The following EYS variants were observed in gnomAD, a reference collection of about 807,000 sequenced individuals.
The protein encoded by EYS is protein eyes shut homolog.
In EYS, 250 loss-of-function variants were observed where a neutral mutation model predicts 282.1. The ratio of observed to expected loss-of-function variants is 0.89; its 90% CI spans 0.80 to 0.98. The LOEUF (loss-of-function observed/expected upper bound fraction) is 0.98. EYS is among the 50% of genes least tolerant of loss of function. EYS has a pLI of 0.00. For synonymous variants in EYS, 1,355 were observed against 1,282.9 expected, an observed-to-expected ratio of 1.06 and a Z score of -1.20; for missense variants, 4,016 against 3,709.0, an observed-to-expected ratio of 1.08 and a Z score of -2.15.
chr6:65,085,316 G>A (rs1774334959), intron 12 of EYS, among the ~76,000 whole-genome samples: 1 of 152,040 alleles, frequency 6.6e-6, no homozygotes, highest in Non-Finnish European at 1.5e-5. Context: ...TCTGAAGTAA[G>A]GATCTCTATT....
intron 2 of EYS, among the ~76,000 whole-genome samples, chr6:65,510,003 ATTTTCTTTTTT>A (rs964321730): frequency 2.0e-5 from 3 of 148,752 alleles, no homozygotes; most frequent in African/African-American, 7.5e-5. Flanking sequence ...GCTGGAGAAA[ATTTTCTTTTTT>A]TTTTCTTTTT....
intron 31 of EYS, among the ~76,000 whole-genome samples, chr6:64,207,480 G>A (rs1765644792): frequency 6.6e-6 from 1 of 152,090 alleles, no homozygotes; most frequent in South Asian, 2.1e-4. Flanking sequence ...CTTCACTGAT[G>A]ATAGCTTGTT....
At chr6:64,822,969 C>A in intron 19 of EYS, 147 bp from the exon 20 acceptor site, 1 of 637,662 alleles carries the variant, frequency 1.6e-6, no homozygotes, top group Non-Finnish European at 2.7e-6. Context: ...AAATATATTT[C>A]AAGGTTAAAT....
intron 22 of EYS, among the ~76,000 whole-genome samples, chr6:64,750,230 G>A (rs1772699448): frequency 6.6e-6 from 1 of 151,928 alleles, no homozygotes; most frequent in Non-Finnish European, 1.5e-5. Flanking sequence ...AGCAAAAGAA[G>A]TACTTTAGGT....
chr6:63,921,609 C>T (rs939798864), intron 35 of EYS, among the ~76,000 whole-genome samples: 1 of 152,104 alleles, frequency 6.6e-6, no homozygotes, highest in Non-Finnish European at 1.5e-5. Context: ...TGTGTAGCTT[C>T]TGGTGGGCTT....
intron 22 of EYS, among the ~76,000 whole-genome samples, chr6:64,766,469 T>G (rs1001790462): frequency 6.8e-6 from 1 of 147,852 alleles, no homozygotes; most frequent in Non-Finnish European, 1.5e-5. Context: ...CTGTCTGTAC[T>G]AATAATACAA....
At chr6:64,796,727 A>C (rs930046306) in intron 22 of EYS, among the ~76,000 whole-genome samples, 1 of 152,124 alleles carries the variant, frequency 6.6e-6, no homozygotes, top group Non-Finnish European at 1.5e-5. Flanking sequence ...TCCTCAAATT[A>C]ATAATGTGGA....
intron 31 of EYS, among the ~76,000 whole-genome samples, chr6:64,213,130 T>C (rs1012872388): frequency 6.6e-6 from 1 of 152,028 alleles, no homozygotes; most frequent in Non-Finnish European, 1.5e-5. Context: ...GAAAACTAAC[T>C]AATGGGTATT....
chr6:63,954,423 C>A (rs990219935), intron 35 of EYS, among the ~76,000 whole-genome samples: 1 of 152,188 alleles, frequency 6.6e-6, no homozygotes. Context: ...TTTATACTGA[C>A]TCTTAACATG....
intron 26 of EYS, among the ~76,000 whole-genome samples, chr6:64,489,922 G>T (rs1206231264): frequency 1.3e-5 from 2 of 150,688 alleles, no homozygotes; most frequent in Admixed American, 1.3e-4. Context: ...TCATGAAGAG[G>T]CCTCACAAAT....
At chr6:65,581,381 T>A (rs1764864227) in intron 2 of EYS, among the ~76,000 whole-genome samples, 1 of 151,896 alleles carries the variant, frequency 6.6e-6, no homozygotes, top group Non-Finnish European at 1.5e-5. Flanking sequence ...TAATGCTATA[T>A]TTGCTCTATT....
chr6:64,747,453 C>A (rs1315110474), intron 22 of EYS, among the ~76,000 whole-genome samples: 2 of 152,178 alleles, frequency 1.3e-5, no homozygotes, highest in Non-Finnish European at 1.5e-5. Context: ...CCACTCACTG[C>A]AACCTCCGCC....
intron 12 of EYS, among the ~76,000 whole-genome samples, chr6:65,105,269 T>G (rs898756050): frequency 7.3e-5 from 11 of 151,418 alleles, no homozygotes; most frequent in African/African-American, 2.4e-4. Flanking sequence ...ACTGAAACAA[T>G]TTCTTCAGTC....
chr6:63,721,705 C>A lies in EYS; in HGVS notation c.8326G>T (p.Val2776Leu). The change falls in exon 43 of 43, where the codon GTA becomes TTA. Residue 2776 changes from valine (V) to leucine (L), a missense_variant. Coordinates refer to ENST00000503581, the MANE Select transcript of EYS (RefSeq NM_001142800.2). ...RTIILETLQK[V>L]TINGSTWHII... ...TGCCAAGTACTTCCGTTTATAGTTA[C>A]TTTTTGGAGAGTTTCTAGAATGATA... The A allele has an allele frequency of 1.3e-6, 2 of 1,551,382 alleles. No individual in the cohort carries two copies. Among genetic ancestry groups the A allele is most frequent in the African/African-American group, 1.4e-5 (1 of 73,148 alleles).
intron 13 of EYS, among the ~76,000 whole-genome samples, chr6:65,048,629 C>G (rs755740614): frequency 2.0e-5 from 3 of 151,846 alleles, no homozygotes; most frequent in Non-Finnish European, 4.4e-5. Context: ...GATGCACATA[C>G]TAGGATTATT....
At chr6:63,953,842 GC>G (rs1182767621) in intron 35 of EYS, among the ~76,000 whole-genome samples, 2 of 152,164 alleles carry the variant, frequency 1.3e-5, no homozygotes, top group Non-Finnish European at 2.9e-5. Context: ...ATGCCCTGTA[GC>G]CTTTCTGTCC....
At chr6:65,398,080 T>G (rs1318694559) in intron 7 of EYS, among the ~76,000 whole-genome samples, 1 of 152,092 alleles carries the variant, frequency 6.6e-6, no homozygotes, top group African/African-American at 2.4e-5. Context: ...GTTCATGCCT[T>G]TTGCTGACTT....
chr6:64,369,346 G>T (rs1397979293), intron 29 of EYS, among the ~76,000 whole-genome samples: 1 of 152,048 alleles, frequency 6.6e-6, no homozygotes. Flanking sequence ...CTGGTAATGT[G>T]ATCACTTCAG....
At chr6:64,827,268 T>G (rs1765088330) in intron 19 of EYS, among the ~76,000 whole-genome samples, 2 of 151,864 alleles carry the variant, frequency 1.3e-5, no homozygotes, top group South Asian at 4.1e-4. Flanking sequence ...TTTTTTTATT[T>G]GAGGTCTTAC....
Sources: allele counts gnomAD v4.1 joint callset (sites outside exome capture counted in the v4.1 genomes callset), GRCh38; gene constraint gnomAD v4.1.1; transcripts MANE v1.5; gene names NCBI Gene and HGNC (gene_info 2026-07-23, HGNC 2026-07-21).